Variants in SLC6A4 observed in about 807,000 individuals in gnomAD.
The protein encoded by SLC6A4 is solute carrier family 6 member 4.
In SLC6A4, 22 loss-of-function variants were observed where a neutral mutation model predicts 73.4. The ratio of observed to expected loss-of-function variants is 0.30; its 90% confidence interval spans 0.21 to 0.43. SLC6A4 has a LOEUF of 0.43. SLC6A4 is among the 20% of genes least tolerant of loss of function. SLC6A4 has a pLI of 1.00. For missense variants in SLC6A4, 593 were observed against 808.5 expected, an observed-to-expected ratio of 0.73 and a Z score of 3.23; for synonymous variants, 270 against 315.5, an observed-to-expected ratio of 0.86 and a Z score of 1.53.
Position 30,217,358 on chromosome 17 carries a change from C to T in SLC6A4, c.699-54G>A, listed in dbSNP as rs532806084. 1.9e-6 allele frequency: 3 copies of T among 1,572,744 alleles called. No individual in the cohort carries two copies. The Admixed American group carries it at 5.3e-5, about 28-fold the overall frequency. ...GAGAGGCTCTGTAGAGTGACCTGGG[C>T]ACACATCTGTGCTGCTCCTTTGAGG... On this transcript the variant is annotated intron_variant, in intron 5 of 14. Coordinates refer to ENST00000650711, the MANE Select transcript of SLC6A4 (RefSeq NM_001045.6).
rs1905788136 is a variant in SLC6A4, at chr17:30,194,398, C to T, written c.*4058G>A. On this transcript the variant is annotated 3_prime_UTR_variant, in exon 15 of 15. Transcript: ENST00000650711. The stretch of plus-strand genomic sequence containing the variant: ...AACACTGCATAAATGAATACAAGGG[C>T]ACTGTATGAATTTTAGAAAGGGGAC... 1 of 151,728 alleles carries T rather than the reference C, an allele frequency of 6.6e-6. No homozygotes were observed. 9.4% of individuals were successfully genotyped at this position (151,728 alleles called of 1,614,324 possible). A position where few individuals can be genotyped will look rare whatever the true frequency, so the allele number is the denominator to read the frequency against.
At chr17:30,207,866 T>A (rs1449831363) in intron 12 of SLC6A4, 34 bp from the exon 13 acceptor site, 2 of 1,508,704 alleles carry the variant, frequency 1.3e-6, no homozygotes, top group South Asian at 2.3e-5. Flanking sequence ...AGGCAGAGAC[T>A]AAGAAAGGAC....
chr17:30,218,421 C>T (rs1906648373), intron 4 of SLC6A4, 84 bp from the exon 5 acceptor site: 1 of 1,048,800 alleles, frequency 9.5e-7, no homozygotes, highest in Non-Finnish European at 1.4e-6. Flanking sequence ...CACTGGAGAG[C>T]CCCGCAGCCC....
At chr17:30,214,988 TTTCC>T (rs901442287) in intron 8 of SLC6A4, among the ~76,000 whole-genome samples, 7 of 131,760 alleles carry the variant, frequency 5.3e-5, no homozygotes, top group Non-Finnish European at 8.1e-5. Flanking sequence ...TTTCTTTTTC[TTTCC>T]TTCCTTCCTT....
At chr17:30,203,096 CATAACAAG>C in intron 14 of SLC6A4, 68 bp downstream of exon 14, 1 of 1,214,952 alleles carries the variant, frequency 8.2e-7, no homozygotes, top group Non-Finnish European at 1.2e-6. Context: ...TTGAATAGAG[CATAACAAG>C]ATAATCCTTT....
At chr17:30,210,977 G>C (rs906415820) in intron 10 of SLC6A4, among the ~76,000 whole-genome samples, 1 of 152,214 alleles carries the variant, frequency 6.6e-6, no homozygotes, top group African/African-American at 2.4e-5. Flanking sequence ...TCCAGGCCCT[G>C]AACTGAACCC....
chr17:30,217,083 G>C, intron 6 of SLC6A4, 83 bp downstream of exon 6: 2 of 1,194,932 alleles, frequency 1.7e-6, no homozygotes, highest in Non-Finnish European at 1.2e-6. Context: ...AAACAGTGCT[G>C]TCTGTCCAGG....
Position 30,212,805 on chromosome 17 carries a change from A to C in SLC6A4, c.1139T>G (p.Phe380Cys), listed in dbSNP as rs1225554343. The stretch of plus-strand genomic sequence containing the variant: ...CTCAGCCATGTAACCGAGCACTGTG[A>C]AGATGACAAATCCCGAAACGAAGCT... ...MTSFVSGFVIFTVLGYMAEMR... is the reference protein window; with the variant it reads ...MTSFVSGFVICTVLGYMAEMR... The change falls in exon 9 of 15, where the codon TTC (phenylalanine) becomes TGC (cysteine). Residue 380 changes from phenylalanine (F) to cysteine (C), a missense_variant. Phe to Cys is a radical substitution (Grantham distance 205). Coordinates refer to ENST00000650711, the MANE Select transcript of SLC6A4 (RefSeq NM_001045.6). 1 of 1,614,198 alleles carries C rather than the reference A, an allele frequency of 6.2e-7. No homozygotes were observed. The highest frequency in any genetic ancestry group is 1.1e-5 in the South Asian group (1 of 91,088).
intron 14 of SLC6A4, among the ~76,000 whole-genome samples, chr17:30,201,300 G>A (rs973223934): frequency 6.6e-6 from 1 of 152,120 alleles, no homozygotes. Flanking sequence ...GGTCCTCACC[G>A]ACAGGGGTGT....
intron 10 of SLC6A4, 103 bp from the exon 11 acceptor site, chr17:30,210,749 C>G (rs2143014259): frequency 1.6e-6 from 2 of 1,280,610 alleles, no homozygotes; most frequent in East Asian, 2.5e-5. Context: ...AGTGACTGGT[C>G]AAGCTGATCA....
At chr17:30,215,570 A>G in intron 8 of SLC6A4, 41 bp downstream of exon 8, 4 of 1,509,694 alleles carry the variant, frequency 2.6e-6, no homozygotes, top group Non-Finnish European at 3.7e-6. Context: ...ACTTTCACTC[A>G]CGCCACTTTC....
Position 30,209,643 on chromosome 17 carries a change from C to CA in SLC6A4, c.1450-402dup, listed in dbSNP as rs113621056. On this transcript the variant is annotated intron_variant, in intron 11 of 14. Transcript: ENST00000650711. ...CTGGGGGACAGAGCAAGACTCTGTC[C>CA]AAAAAAAAAAAAAAAAGAAACTGTT... Among the ~76,000 whole-genome samples, 356 of 57,350 alleles carry CA rather than the reference C, an allele frequency of 6.2e-3. 2 individuals carry two copies. Among genetic ancestry groups the CA allele is most frequent in the Admixed American group, 0.017 (85 of 5,142 alleles). The allele number at this position is 57,350 out of a possible 152,430, so 37.6% of individuals were successfully genotyped here.
intron 14 of SLC6A4, among the ~76,000 whole-genome samples, chr17:30,199,172 A>G (rs992975077): frequency 6.6e-6 from 1 of 152,224 alleles, no homozygotes; most frequent in East Asian, 1.9e-4. Context: ...GAAGTGGCTG[A>G]GAAGGTCTAC....
At chr17:30,218,391 G>T in intron 4 of SLC6A4, 54 bp from the exon 5 acceptor site, 4 of 1,424,520 alleles carry the variant, frequency 2.8e-6, no homozygotes, top group Non-Finnish European at 3.9e-6. Context: ...GTGGCCCAAC[G>T]GCAAAAGGCT....
intron 13 of SLC6A4, among the ~76,000 whole-genome samples, chr17:30,204,985 C>T (rs547659650): frequency 2.0e-5 from 3 of 152,206 alleles, no homozygotes; most frequent in South Asian, 2.1e-4. Flanking sequence ...GAGGCACTCA[C>T]CTCAGGCACG....
Position 30,210,566 on chromosome 17 carries a change from C to T in SLC6A4, c.1398G>A (p.Val466=). Residue 466 remains valine, a synonymous_variant, in exon 11 of 15, where the codon GTG becomes GTA. Coordinates refer to ENST00000650711, the MANE Select transcript of SLC6A4 (RefSeq NM_001045.6). ...AGAAGCAGGTGATGACCACGGCGAGCACGAACCGCTCCCGGCGCTTGGCCC... is the reference window on the plus strand; with the variant it reads ...AGAAGCAGGTGATGACCACGGCGAGTACGAACCGCTCCCGGCGCTTGGCCC... The part of the protein sequence containing the change: ...HVWAKRRERF[V]LAVVITCFFG... The T allele has an allele frequency of 6.2e-7, 1 of 1,613,770 alleles. No homozygotes were observed. Among genetic ancestry groups the T allele is most frequent in the African/African-American group, 1.3e-5 (1 of 74,966 alleles).
Position 30,205,619 on chromosome 17 carries a change from C to T in SLC6A4, c.1650+2113G>A, listed in dbSNP as rs560973603. On this transcript the variant is annotated intron_variant, in intron 13 of 14. Coordinates refer to ENST00000650711, the MANE Select transcript of SLC6A4 (RefSeq NM_001045.6). ...AAGCTGATAAGGTCATAAGGAGCTC[C>T]GAGGCCAACATCTCAGGAGCCCAGA... 2.0e-4 allele frequency among the ~76,000 whole-genome samples: 31 copies of T among 152,234 alleles called. No individual in the cohort carries two copies. The South Asian group carries it at 5.4e-3, about 26-fold the overall frequency.
At chr17:30,230,047 A>AGAC (rs1907040322) in intron 1 of SLC6A4, among the ~76,000 whole-genome samples, 1 of 62,000 alleles carries the variant, frequency 1.6e-5, no homozygotes, top group Non-Finnish European at 3.2e-5. Context: ...AAAAGAAGAA[A>AGAC]GAAGAAGAAG....
rs1244727017 is a variant in SLC6A4, at chr17:30,196,100, G to A, written c.*2356C>T. The A allele has an allele frequency of 2.0e-5, 3 of 152,106 alleles. No individual in the cohort carries two copies. The highest frequency in any genetic ancestry group is 3.4e-3 in the Middle Eastern group (1 of 294). 9.4% of individuals were successfully genotyped at this position (152,106 alleles called of 1,614,324 possible). A position where few individuals can be genotyped will look rare whatever the true frequency, so the allele number is the denominator to read the frequency against. Reference sequence around the variant, plus strand: ...CCCAAAGTGCTGGGATTACAGGTGTGAGTCACTGCACCCAGCCTCTTGGGT... The same window carrying A: ...CCCAAAGTGCTGGGATTACAGGTGTAAGTCACTGCACCCAGCCTCTTGGGT... On this transcript the variant is annotated 3_prime_UTR_variant, in exon 15 of 15. Transcript: ENST00000650711.
Sources: allele counts gnomAD v4.1 joint callset (sites outside exome capture counted in the v4.1 genomes callset), GRCh38; gene constraint gnomAD v4.1.1; transcripts MANE v1.5; gene names NCBI Gene and HGNC (gene_info 2026-07-23, HGNC 2026-07-21).